The following SMAD9 variants were observed in gnomAD, a reference collection of about 807,000 sequenced individuals.
SMAD9 encodes SMAD family member 9, also known as MAD homolog 9.
SMAD9 carries 36 observed loss-of-function variants against 46.1 expected under a neutral mutation model. The ratio of observed to expected loss-of-function variants is 0.78; its 90% CI spans 0.60 to 1.03. The LOEUF is 1.03. Among genes scored for constraint, SMAD9 ranks in the 50% least tolerant of loss-of-function variants. The pLI, the probability that SMAD9 is intolerant of heterozygous loss-of-function variation, is 0.00. For synonymous variants in SMAD9, 245 were observed against 237.1 expected, an observed-to-expected ratio of 1.03 and a Z score of -0.31; for missense variants, 572 against 599.8, an observed-to-expected ratio of 0.95 and a Z score of 0.48.
chr13:36,858,483 G>T (rs1249416622), intron 5 of SMAD9, among the ~76,000 whole-genome samples: 1 of 152,234 alleles, frequency 6.6e-6, no homozygotes, highest in Non-Finnish European at 1.5e-5. Flanking sequence ...CTCCAAGACT[G>T]CCCCTGATGA....
At chr13:36,883,908 C>G (rs1009142101) in intron 1 of SMAD9, among the ~76,000 whole-genome samples, 36 of 152,168 alleles carry the variant, frequency 2.4e-4, no homozygotes, top group African/African-American at 8.7e-4. Flanking sequence ...CATGCTGTCT[C>G]TCTGGACTTC....
intron 1 of SMAD9, among the ~76,000 whole-genome samples, chr13:36,894,825 A>G (rs761815578): frequency 6.6e-6 from 1 of 152,152 alleles, no homozygotes; most frequent in African/African-American, 2.4e-5. Flanking sequence ...GTGACATCTC[A>G]TTGAGAAATG....
intron 1 of SMAD9, among the ~76,000 whole-genome samples, chr13:36,895,586 G>C (rs775509877): frequency 1.3e-5 from 2 of 152,154 alleles, no homozygotes; most frequent in Non-Finnish European, 2.9e-5. Context: ...TCCTGATTCT[G>C]CTCAATAATC....
intron 1 of SMAD9, among the ~76,000 whole-genome samples, chr13:36,884,135 T>A (rs189845423): frequency 6.6e-6 from 1 of 152,322 alleles, no homozygotes; most frequent in Non-Finnish European, 1.5e-5. Context: ...AAACAACAAC[T>A]CTGACACCGC....
At chr13:36,906,491 T>C (rs901966664) in intron 1 of SMAD9, among the ~76,000 whole-genome samples, 2 of 151,872 alleles carry the variant, frequency 1.3e-5, no homozygotes, top group African/African-American at 4.8e-5. Flanking sequence ...CACCAGGAAA[T>C]TGAGACAAAA....
At chr13:36,851,969 G>GAA (rs35571488) in intron 6 of SMAD9, 593 of 848,944 alleles carry the variant, frequency 7.0e-4, no homozygotes, top group Non-Finnish European at 7.7e-4. Context: ...CACAGACCCG[G>GAA]AAAAAAAAAA....
At chr13:36,855,037 T>C (rs763810143) in intron 5 of SMAD9, among the ~76,000 whole-genome samples, 1 of 151,948 alleles carries the variant, frequency 6.6e-6, no homozygotes, top group Non-Finnish European at 1.5e-5. Flanking sequence ...CCCAGCACTT[T>C]AGGAGGTCAA....
intron 1 of SMAD9, among the ~76,000 whole-genome samples, chr13:36,885,343 G>A (rs532641821): frequency 6.6e-6 from 1 of 152,006 alleles, no homozygotes; most frequent in Non-Finnish European, 1.5e-5. Context: ...CATATATCAT[G>A]TCTTATTACC....
At chr13:36,880,768 T>C (rs1331949483) in intron 1 of SMAD9, among the ~76,000 whole-genome samples, 2 of 152,210 alleles carry the variant, frequency 1.3e-5, no homozygotes, top group African/African-American at 2.4e-5. Flanking sequence ...AAGTATTAAA[T>C]AGATTTGCAG....
At chr13:36,904,504 G>A (rs556259036) in intron 1 of SMAD9, among the ~76,000 whole-genome samples, 2 of 152,274 alleles carry the variant, frequency 1.3e-5, no homozygotes, top group East Asian at 3.9e-4. Flanking sequence ...AGTCTGGAGA[G>A]AGCTTTGCCA....
chr13:36,914,424 C>T (rs896842774), intron 1 of SMAD9, among the ~76,000 whole-genome samples: 14 of 152,074 alleles, frequency 9.2e-5, no homozygotes, highest in South Asian at 2.1e-4. Flanking sequence ...GAGGCTGAAG[C>T]GGGAGAATGG....
At chr13:36,910,130 G>A (rs2058649540) in intron 1 of SMAD9, among the ~76,000 whole-genome samples, 1 of 151,846 alleles carries the variant, frequency 6.6e-6, no homozygotes. Flanking sequence ...CGGGGAGGCA[G>A]AGCTTGCAGT....
rs765156859 is a variant in SMAD9 at position 36,872,760 on chromosome 13, G to GGAGT, written c.564_567dup (p.Pro190ThrfsTer27). On this transcript the variant is annotated frameshift_variant, in exon 3 of 7. Coordinates refer to ENST00000379826, the MANE Select transcript of SMAD9 (RefSeq NM_001127217.3). LOFTEE classifies it high-confidence loss of function. The stretch of plus-strand genomic sequence containing the variant: ...GAGAACGCGTGGCTGGGTGAGGGAG[G>GGAGT]GAGTGCAGAGCACGGAGGCTGCTGG... The GGAGT allele has an allele frequency of 3.7e-6, 6 of 1,614,068 alleles. No homozygotes were observed. The South Asian group carries it at 6.6e-5, about 18-fold the overall frequency.
At chr13:36,871,806 C>T (rs2058298169) in intron 3 of SMAD9, among the ~76,000 whole-genome samples, 1 of 152,142 alleles carries the variant, frequency 6.6e-6, no homozygotes, top group African/African-American at 2.4e-5. Context: ...TTTTTATTAA[C>T]CTTTTAATTC....
chr13:36,867,435 A>G (rs2138395821), intron 3 of SMAD9, 52 bp from the exon 4 acceptor site: 3 of 1,226,528 alleles, frequency 2.4e-6, no homozygotes, highest in African/African-American at 3.0e-5. Flanking sequence ...AACCACACAA[A>G]GACAGTTGGA....
At chr13:36,884,729 G>A (rs192849910) in intron 1 of SMAD9, among the ~76,000 whole-genome samples, 1 of 152,246 alleles carries the variant, frequency 6.6e-6, no homozygotes. Context: ...CCACTCAGTT[G>A]GTCTCCTTGG....
At chr13:36,860,736 A>G (rs977802963) in intron 5 of SMAD9, among the ~76,000 whole-genome samples, 2 of 151,714 alleles carry the variant, frequency 1.3e-5, no homozygotes, top group African/African-American at 4.8e-5. Flanking sequence ...TACAGGCATG[A>G]GCCACCACGC....
At chr13:36,853,072 G>A (rs2058087904) in intron 6 of SMAD9, among the ~76,000 whole-genome samples, 1 of 152,106 alleles carries the variant, frequency 6.6e-6, no homozygotes. Flanking sequence ...GGATCACAAG[G>A]TCAGGAGTTC....
intron 5 of SMAD9, among the ~76,000 whole-genome samples, chr13:36,860,227 T>G (rs1330324334): frequency 2.6e-5 from 4 of 152,012 alleles, no homozygotes; most frequent in African/African-American, 9.7e-5. Flanking sequence ...GATAATTCCT[T>G]TCATAAAACA....
Sources: allele counts gnomAD v4.1 joint callset (sites outside exome capture counted in the v4.1 genomes callset), GRCh38; gene constraint gnomAD v4.1.1; transcripts MANE v1.5; gene names NCBI Gene and HGNC (gene_info 2026-07-23, HGNC 2026-07-21).